BRAF: variants seen among roughly 807,000 people sequenced by gnomAD.
BRAF encodes the protein B-Raf proto-oncogene, serine/threonine kinase.
BRAF carries 16 observed loss-of-function variants against 104.6 expected under a neutral mutation model. That is an observed-to-expected ratio of 0.15 (90% CI 0.10 to 0.23). The LOEUF (loss-of-function observed/expected upper bound fraction) is 0.23. Ranked by LOEUF, BRAF falls within the 10% of genes least tolerant of loss-of-function variation. The pLI is 1.00. For synonymous variants in BRAF, 310 were observed against 341.6 expected (o/e 0.91, Z 1.02); for missense variants, 541 against 937.3 (o/e 0.58, Z 5.52).
chr7:140,903,561 T>G (rs1044842604), intron 1 of BRAF, among the ~76,000 whole-genome samples: 1 of 152,186 alleles, frequency 6.6e-6, no homozygotes, highest in African/African-American at 2.4e-5. Context: ...ACATAAATCT[T>G]GCAACCCATG....
chr7:140,906,369 T>C (rs946155094), intron 1 of BRAF, among the ~76,000 whole-genome samples: 7 of 152,102 alleles, frequency 4.6e-5, no homozygotes, highest in Non-Finnish European at 8.8e-5. Flanking sequence ...ACCCAGCTAA[T>C]TTTTATATTA....
rs1562994456 is a variant in BRAF, at chr7:140,850,138, C to T, written c.213G>A (p.Glu71=). ...IEALLDKFGG[E]HNPPSIYLEA... ...CCAGATATATTGATGGTGGATTATG[C>T]TCCCCACCAAATTTGTCCAATAGGG... Residue 71 remains glutamate, a synonymous_variant, in exon 2 of 20, where the codon GAG becomes GAA. Coordinates refer to ENST00000644969, the MANE Select transcript of BRAF (RefSeq NM_001374258.1). 6.2e-7 allele frequency: 1 copy of T among 1,610,772 alleles called. No individual in the cohort carries two copies.
At chr7:140,807,128 C>T (rs553934004) in intron 5 of BRAF, among the ~76,000 whole-genome samples, 9 of 152,216 alleles carry the variant, frequency 5.9e-5, no homozygotes, top group African/African-American at 1.9e-4. Flanking sequence ...TCCCACATTC[C>T]GGGCCTTATG....
intron 19 of BRAF, among the ~76,000 whole-genome samples, chr7:140,729,230 GAAAAC>G (rs1795794921): frequency 6.6e-6 from 1 of 151,888 alleles, no homozygotes; most frequent in South Asian, 2.1e-4. Flanking sequence ...ACCCTGTCTC[GAAAAC>G]AAAACAAAAT....
intron 1 of BRAF, among the ~76,000 whole-genome samples, chr7:140,892,395 A>T (rs751937932): frequency 7.9e-5 from 12 of 152,258 alleles, no homozygotes; most frequent in Non-Finnish European, 1.6e-4. Context: ...TGCCAAATCA[A>T]TTCAGATACT....
rs181856366 is a variant in BRAF, at chr7:140,810,107, T to A, written c.505-1112A>T. On this transcript the variant is annotated intron_variant, in intron 3 of 19. Transcript: ENST00000644969. ...TGAGGTGCTTAGCAAACCAAAAGTT[T>A]CCAAAGAAATTGGGAATATTTATGC... Among the ~76,000 whole-genome samples the A allele has an allele frequency of 1.1e-3, 166 of 152,194 alleles. 1 individual carries two copies. Among genetic ancestry groups the A allele is most frequent in the African/African-American group, 3.9e-3 (161 of 41,532 alleles).
intron 1 of BRAF, among the ~76,000 whole-genome samples, chr7:140,861,837 T>C (rs959013350): frequency 1.1e-4 from 16 of 152,192 alleles, no homozygotes; most frequent in Admixed American, 2.0e-4. Context: ...CTTTACTATA[T>C]ACTTGAAGTA....
At chr7:140,736,361 G>T (rs541981828) in intron 18 of BRAF, among the ~76,000 whole-genome samples, 1 of 151,568 alleles carries the variant, frequency 6.6e-6, no homozygotes, top group Non-Finnish European at 1.5e-5. Flanking sequence ...GAGTCACTGC[G>T]CCTGGCCTCT....
intron 2 of BRAF, among the ~76,000 whole-genome samples, chr7:140,837,713 ACAT>A (rs1392727108): frequency 1.3e-5 from 2 of 152,190 alleles, no homozygotes; most frequent in Non-Finnish European, 2.9e-5. Flanking sequence ...CTTGTTTTTA[ACAT>A]CATATTACAG....
At chr7:140,874,983 A>G (rs1812053709) in intron 1 of BRAF, among the ~76,000 whole-genome samples, 1 of 151,946 alleles carries the variant, frequency 6.6e-6, no homozygotes, top group Non-Finnish European at 1.5e-5. Context: ...TCCCCTTTAC[A>G]CCTTTCACCA....
chr7:140,825,124 C>G (rs1219046563), intron 3 of BRAF, among the ~76,000 whole-genome samples: 1 of 151,970 alleles, frequency 6.6e-6, no homozygotes, highest in Non-Finnish European at 1.5e-5. Flanking sequence ...CGCCTGCCAC[C>G]ACGCCCAGCT....
At chr7:140,812,695 G>T (rs1419310760) in intron 3 of BRAF, among the ~76,000 whole-genome samples, 1 of 152,062 alleles carries the variant, frequency 6.6e-6, no homozygotes, top group Admixed American at 6.6e-5. Flanking sequence ...AACAGATGAA[G>T]AAATCAATGG....
intron 1 of BRAF, among the ~76,000 whole-genome samples, chr7:140,871,403 G>C (rs1174289901): frequency 1.3e-5 from 2 of 152,088 alleles, no homozygotes; most frequent in East Asian, 1.9e-4. Context: ...CAGGGACAGA[G>C]GCTACACACA....
At chr7:140,850,961 C>T (rs1401715389) in intron 1 of BRAF, among the ~76,000 whole-genome samples, 1 of 152,052 alleles carries the variant, frequency 6.6e-6, no homozygotes, top group Non-Finnish European at 1.5e-5. Context: ...TAAGATGCAC[C>T]ATTCTGAGAC....
intron 3 of BRAF, among the ~76,000 whole-genome samples, chr7:140,809,859 G>A (rs1041372184): frequency 3.3e-5 from 5 of 151,598 alleles, no homozygotes; most frequent in South Asian, 2.1e-4. Flanking sequence ...CAGAGAAGGA[G>A]GGAAAGGGAA....
chr7:140,734,089 T>C, intron 19 of BRAF: 10 of 1,033,574 alleles, frequency 9.7e-6, no homozygotes, highest in Non-Finnish European at 1.2e-5. Flanking sequence ...TAAAAAGAAA[T>C]AGTTATAGAA....
At position 140,721,287 on chromosome 7, in the gene BRAF, C is replaced by G. The variant is rs1795312598; in HGVS notation, c.*5207G>C. On this transcript the variant is annotated 3_prime_UTR_variant, in exon 20 of 20. Transcript: ENST00000644969. ...CACTCATTGAGTTGCCGACTAATTG[C>G]CCCATGCATTTTTTTTTTTTAAAGC... 1 of 1,152,260 alleles carries G rather than the reference C, an allele frequency of 8.7e-7. No homozygotes were observed. The highest frequency in any genetic ancestry group is 1.1e-6 in the Non-Finnish European group (1 of 938,712). 71.4% of individuals were successfully genotyped at this position (1,152,260 alleles called of 1,614,324 possible).
downstream of BRAF, chr7:140,719,267 T>C: frequency 1.4e-6 from 1 of 719,360 alleles, no homozygotes; most frequent in South Asian, 6.4e-5. Flanking sequence ...CTAGAAAAAC[T>C]GTTAAAACTG....
intron 14 of BRAF, among the ~76,000 whole-genome samples, chr7:140,774,457 T>C (rs1800137411): frequency 6.6e-6 from 1 of 152,208 alleles, no homozygotes. Context: ...CTGTTACTTC[T>C]TGTCTTAATC....
Sources: gnomAD v4.1 joint callset for allele counts (sites outside exome capture counted in the v4.1 genomes callset) on GRCh38, gnomAD v4.1.1 for gene constraint, MANE v1.5 for transcripts, NCBI Gene and HGNC (gene_info 2026-07-23, HGNC 2026-07-21) for gene names.